Variants in SPIRE1 observed in about 807,000 individuals in gnomAD.
SPIRE1 encodes protein spire homolog 1.
In SPIRE1, 40 loss-of-function variants were observed where a neutral mutation model predicts 94.1. The ratio of observed to expected loss-of-function variants is 0.43; its 90% CI spans 0.33 to 0.55. The LOEUF (loss-of-function observed/expected upper bound fraction) is 0.55. Among genes scored for constraint, SPIRE1 ranks in the 20% least tolerant of loss-of-function variants. The pLI, the probability that SPIRE1 is intolerant of heterozygous loss-of-function variation, is 0.06. For missense variants in SPIRE1, 838 were observed against 975.2 expected, an observed-to-expected ratio of 0.86 and a Z score of 1.87; for synonymous variants, 376 against 371.7, an observed-to-expected ratio of 1.01 and a Z score of -0.13.
chr18:12,641,222 T>C (rs765091697), intron 1 of SPIRE1, among the ~76,000 whole-genome samples: 2 of 152,196 alleles, frequency 1.3e-5, no homozygotes, highest in Non-Finnish European at 2.9e-5. Context: ...AGAACTATAA[T>C]ACTTTTATAA....
At chr18:12,487,858 T>C (rs1373740406) in intron 8 of SPIRE1, among the ~76,000 whole-genome samples, 1 of 152,168 alleles carries the variant, frequency 6.6e-6, no homozygotes, top group Non-Finnish European at 1.5e-5. Context: ...ATTGCAGAGA[T>C]GTGATGATTT....
chr18:12,551,735 T>C (rs922870751), intron 2 of SPIRE1, among the ~76,000 whole-genome samples: 1 of 143,644 alleles, frequency 7.0e-6, no homozygotes, highest in African/African-American at 2.6e-5. Context: ...GGGAGAGGGG[T>C]GGAGCAAGAG....
intron 9 of SPIRE1, among the ~76,000 whole-genome samples, chr18:12,485,747 T>C (rs1047015186): frequency 2.6e-5 from 4 of 152,172 alleles, no homozygotes; most frequent in African/African-American, 9.7e-5. Flanking sequence ...TCTTCCAAAA[T>C]TGCTTAGGAG....
chr18:12,615,345 A>AAAAAAAAAATAT lies in SPIRE1; in HGVS notation c.372+19716_372+19717insATATTTTTTTTT. ...TCTGTCTCAAAAAAAAAAAAAAAAA[A>AAAAAAAAAATAT]ATATATATATATATATATATATATA... On this transcript the variant is annotated intron_variant, in intron 2 of 16. Coordinates refer to ENST00000409402, the MANE Select transcript of SPIRE1 (RefSeq NM_001128626.2). 2.6e-3 allele frequency among the ~76,000 whole-genome samples: 45 copies of AAAAAAAAAATAT among 17,242 alleles called. 5 individuals are homozygous for AAAAAAAAAATAT. The highest frequency in any genetic ancestry group is 6.5e-3 in the Non-Finnish European group (35 of 5,402). 11.3% of individuals were successfully genotyped at this position (17,242 alleles called of 152,430 possible). A position where few individuals can be genotyped will look rare whatever the true frequency, so the allele number is the denominator to read the frequency against.
At chr18:12,490,760 A>T (rs2033204554) in intron 8 of SPIRE1, among the ~76,000 whole-genome samples, 1 of 152,178 alleles carries the variant, frequency 6.6e-6, no homozygotes, top group Non-Finnish European at 1.5e-5. Context: ...AACACTCAAC[A>T]AATTAGGAAT....
At chr18:12,647,720 C>T (rs1352203238) in intron 1 of SPIRE1, among the ~76,000 whole-genome samples, 1 of 152,186 alleles carries the variant, frequency 6.6e-6, no homozygotes, top group Non-Finnish European at 1.5e-5. Flanking sequence ...CATCACTGCA[C>T]TCCTGCCTGG....
In SPIRE1 at chr18:12,576,113, G is replaced by A. The variant is rs573767877; in HGVS notation, c.373-29209C>T. Among the ~76,000 whole-genome samples, 3 of 152,212 alleles carry A rather than the reference G, an allele frequency of 2.0e-5. No individual in the cohort carries two copies. The East Asian group carries it at 5.8e-4, about 29-fold the overall frequency. On this transcript the variant is annotated intron_variant, in intron 2 of 16. Coordinates refer to ENST00000409402, the MANE Select transcript of SPIRE1 (RefSeq NM_001128626.2). ...AGCTACTCGGGAGGCTGAGGCAAGA[G>A]AATCGCTTGAACCCAGGAGGGAGAG...
intron 12 of SPIRE1, among the ~76,000 whole-genome samples, chr18:12,461,462 GTACA>G (rs1171682978): frequency 2.0e-5 from 3 of 147,902 alleles, no homozygotes; most frequent in Admixed American, 6.7e-5. Flanking sequence ...GTGTATGTAT[GTACA>G]TATGTACGTA....
chr18:12,627,996 T>G (rs1016247957), intron 2 of SPIRE1, among the ~76,000 whole-genome samples: 3 of 152,226 alleles, frequency 2.0e-5, no homozygotes, highest in African/African-American at 7.2e-5. Flanking sequence ...TCTCCCATTC[T>G]GTAGGTTTCC....
In SPIRE1 at chr18:12,453,113, C is replaced by T. The variant is rs1400876369; in HGVS notation, c.1802G>A (p.Arg601Lys). Residue 601 changes from arginine (R) to lysine (K), a missense_variant, in exon 14 of 17, where the codon AGG (arginine) becomes AAG (lysine). This residue lies in a region of SPIRE1 where 645 missense variants were observed against 804.7 expected (regional missense o/e 0.80). Coordinates refer to ENST00000409402, the MANE Select transcript of SPIRE1 (RefSeq NM_001128626.2). Reference sequence around the variant, plus strand: ...ATAAGACCAAGTGAAGAAGGAAAACCTCCTGGTTCGGCAACAAAAGCAGAG... The same window carrying T: ...ATAAGACCAAGTGAAGAAGGAAAACTTCCTGGTTCGGCAACAAAAGCAGAG... ...GKLCFCCRTRRFSFFTWSYTC... is the reference protein window; with the variant it reads ...GKLCFCCRTRKFSFFTWSYTC... 1.2e-6 allele frequency: 2 copies of T among 1,607,918 alleles called. No homozygotes were observed. Among genetic ancestry groups the T allele is most frequent in the Non-Finnish European group, 1.7e-6 (2 of 1,178,632 alleles).
rs529418243 is a variant in SPIRE1 at position 12,649,431 on chromosome 18, A to G, written c.337+8099T>C. Among the ~76,000 whole-genome samples, 30 of 152,256 alleles carry G rather than the reference A, an allele frequency of 2.0e-4. No homozygotes were observed. The South Asian group carries it at 6.0e-3, about 31-fold the overall frequency. ...CTCTTAAAAAAAAATTTTTTTGACT[A>G]AAAATTCCCACTACATTTGGTAACT... On this transcript the variant is annotated intron_variant, in intron 1 of 16. Coordinates refer to ENST00000409402, the MANE Select transcript of SPIRE1 (RefSeq NM_001128626.2).
At chr18:12,544,792 A>G (rs1423415329) in intron 3 of SPIRE1, among the ~76,000 whole-genome samples, 1 of 152,370 alleles carries the variant, frequency 6.6e-6, no homozygotes, top group South Asian at 2.1e-4. Flanking sequence ...ATAAGTTAAG[A>G]TATTTAATGT....
intron 2 of SPIRE1, among the ~76,000 whole-genome samples, chr18:12,553,680 G>C (rs181068872): frequency 1.3e-5 from 2 of 152,166 alleles, no homozygotes; most frequent in East Asian, 3.9e-4. Context: ...GCCCTGAAGG[G>C]AAGGACAAGG....
intron 2 of SPIRE1, among the ~76,000 whole-genome samples, chr18:12,634,677 A>G (rs1051416023): frequency 5.3e-5 from 8 of 152,198 alleles, no homozygotes; most frequent in Middle Eastern, 3.4e-3. Flanking sequence ...ACTCATGCCT[A>G]TAATCCCAGC....
At chr18:12,574,104 T>C (rs2036030866) in intron 2 of SPIRE1, among the ~76,000 whole-genome samples, 1 of 152,178 alleles carries the variant, frequency 6.6e-6, no homozygotes, top group African/African-American at 2.4e-5. Flanking sequence ...ACAACATTGG[T>C]TCAATGTAGT....
chr18:12,630,853 A>T (rs544731488), intron 2 of SPIRE1, among the ~76,000 whole-genome samples: 67 of 152,298 alleles, frequency 4.4e-4, no homozygotes, highest in African/African-American at 1.6e-3. Context: ...TTATACTAGC[A>T]AGAGTTGGGT....
chr18:12,600,363 C>T (rs1176810552), intron 2 of SPIRE1, among the ~76,000 whole-genome samples: 1 of 152,184 alleles, frequency 6.6e-6, no homozygotes, highest in Non-Finnish European at 1.5e-5. Flanking sequence ...CATTGTTACA[C>T]AGCAATACAA....
intron 6 of SPIRE1, among the ~76,000 whole-genome samples, chr18:12,503,028 G>T (rs1395102340): frequency 6.6e-6 from 1 of 151,568 alleles, no homozygotes; most frequent in East Asian, 1.9e-4. Flanking sequence ...AGAATGGCGT[G>T]AACCCGGGAG....
chr18:12,548,401 A>G (rs1598458432), intron 2 of SPIRE1, among the ~76,000 whole-genome samples: 1 of 152,332 alleles, frequency 6.6e-6, no homozygotes, highest in East Asian at 1.9e-4. Flanking sequence ...CAAAAATTCA[A>G]AAATTCTCTA....
Sources: gnomAD v4.1 joint callset for allele counts (sites outside exome capture counted in the v4.1 genomes callset) on GRCh38, gnomAD v4.1.1 for gene constraint, gnomAD v4.1.1 regional missense constraint, MANE v1.5 for transcripts, NCBI Gene and HGNC (gene_info 2026-07-23, HGNC 2026-07-21) for gene names.